The following VWA8 variants were observed in gnomAD, a reference collection of about 807,000 sequenced individuals.
VWA8 encodes the protein von Willebrand factor A domain containing 8.
A neutral mutation model predicts 241.5 loss-of-function variants in VWA8; 221 were observed. The observed-to-expected ratio is 0.91, with a 90% CI of 0.82 to 1.02. The LOEUF (loss-of-function observed/expected upper bound fraction) is 1.02, where lower values mean the gene tolerates loss of function less well. Ranked by LOEUF, VWA8 falls within the 50% of genes least tolerant of loss-of-function variation. The probability of loss-of-function intolerance (pLI) is 0.00; values close to 1 mark genes in which losing one functional copy is unlikely to be tolerated. For missense variants in VWA8, 2,322 were observed against 2,328.7 expected, an observed-to-expected ratio of 1.00 and a Z score of 0.06; for synonymous variants, 852 against 827.1, an observed-to-expected ratio of 1.03 and a Z score of -0.52.
intron 17 of VWA8, among the ~76,000 whole-genome samples, chr13:41,794,334 T>C (rs1234622002): frequency 3.3e-5 from 5 of 152,200 alleles, no homozygotes. Context: ...TAGTTCTCCT[T>C]GAAGAGGTCC....
At chr13:41,866,582 T>A (rs1472959165) in intron 10 of VWA8, among the ~76,000 whole-genome samples, 1 of 152,142 alleles carries the variant, frequency 6.6e-6, no homozygotes, top group Non-Finnish European at 1.5e-5. Context: ...TGATGATCAT[T>A]ATTACAAATC....
intron 5 of VWA8, 55 bp from the exon 6 acceptor site, chr13:41,887,416 T>C (rs1874601486): frequency 1.3e-6 from 2 of 1,547,004 alleles, no homozygotes; most frequent in Non-Finnish European, 1.7e-6. Flanking sequence ...ATCACAACTG[T>C]AAGAGCTGCC....
At chr13:41,820,243 T>C (rs1870893515) in intron 14 of VWA8, among the ~76,000 whole-genome samples, 2 of 152,102 alleles carry the variant, frequency 1.3e-5, no homozygotes, top group South Asian at 4.1e-4. Context: ...AAAGGAGAGA[T>C]AAAACATAAA....
At chr13:41,720,963 C>T (rs1300355872) in intron 25 of VWA8, among the ~76,000 whole-genome samples, 2 of 152,204 alleles carry the variant, frequency 1.3e-5, no homozygotes, top group Non-Finnish European at 2.9e-5. Flanking sequence ...TTAATCAGTA[C>T]GGTTAGTTCC....
intron 41 of VWA8, 141 bp downstream of exon 41, chr13:41,590,499 T>TTC (rs35516749): frequency 5.2e-4 from 95 of 182,382 alleles, no homozygotes; most frequent in South Asian, 3.1e-3. Context: ...CTTCTTCTTC[T>TTC]TTTTTTTTTT....
chr13:41,828,131 C>G (rs1871259631), intron 14 of VWA8, among the ~76,000 whole-genome samples: 1 of 152,076 alleles, frequency 6.6e-6, no homozygotes, highest in Non-Finnish European at 1.5e-5. Context: ...TAATGTATAC[C>G]TCGGAAGTAA....
At chr13:41,782,302 T>G (rs1174753968) in intron 19 of VWA8, among the ~76,000 whole-genome samples, 1 of 152,234 alleles carries the variant, frequency 6.6e-6, no homozygotes, top group Non-Finnish European at 1.5e-5. Flanking sequence ...TCCTGTGAAG[T>G]CTTTTCAATC....
At chr13:41,838,844 G>T (rs1263186243) in intron 12 of VWA8, among the ~76,000 whole-genome samples, 4 of 152,152 alleles carry the variant, frequency 2.6e-5, no homozygotes, top group African/African-American at 9.7e-5. Context: ...TCTTATGGCT[G>T]CAGAGTATTC....
chr13:41,951,044 G>A (rs535294604), intron 1 of VWA8, among the ~76,000 whole-genome samples: 1 of 152,158 alleles, frequency 6.6e-6, no homozygotes, highest in African/African-American at 2.4e-5. Context: ...ACTGCATACA[G>A]TTTCAAATTA....
intron 4 of VWA8, among the ~76,000 whole-genome samples, chr13:41,897,069 T>C (rs1391896395): frequency 6.6e-6 from 1 of 152,116 alleles, no homozygotes; most frequent in Non-Finnish European, 1.5e-5. Flanking sequence ...ATATTAAAAA[T>C]AATGATATAG....
At chr13:41,799,158 G>A (rs1444920640) in intron 17 of VWA8, among the ~76,000 whole-genome samples, 3 of 151,886 alleles carry the variant, frequency 2.0e-5, no homozygotes, top group African/African-American at 4.8e-5. Context: ...TCTAAATGTT[G>A]TATCTGCCAA....
chr13:41,680,753 C>T (rs1305415973), intron 35 of VWA8, among the ~76,000 whole-genome samples: 1 of 152,170 alleles, frequency 6.6e-6, no homozygotes, highest in Non-Finnish European at 1.5e-5. Flanking sequence ...AATATGTTCC[C>T]TACAGACTCA....
At chr13:41,634,195 C>T (rs1225870307) in intron 37 of VWA8, among the ~76,000 whole-genome samples, 6 of 152,158 alleles carry the variant, frequency 3.9e-5, no homozygotes, top group African/African-American at 1.4e-4. Flanking sequence ...GGGTCTTGGG[C>T]TGAGCTAGGG....
chr13:41,863,941 C>T (rs1412433459), intron 12 of VWA8, among the ~76,000 whole-genome samples: 1 of 151,664 alleles, frequency 6.6e-6, no homozygotes, highest in East Asian at 1.9e-4. Flanking sequence ...GCACATGTAC[C>T]CACAAATCTA....
chr13:41,887,479 C>G, intron 5 of VWA8, 118 bp from the exon 6 acceptor site: 1 of 1,133,926 alleles, frequency 8.8e-7, no homozygotes, highest in Non-Finnish European at 1.2e-6. Context: ...GGAGAACACT[C>G]TCAAATCCAT....
intron 37 of VWA8, among the ~76,000 whole-genome samples, chr13:41,620,876 C>T (rs576436545): frequency 1.1e-4 from 17 of 152,222 alleles, no homozygotes; most frequent in African/African-American, 2.9e-4. Flanking sequence ...GTAAGTTCTC[C>T]GGACCTTCAT....
intron 12 of VWA8, chr13:41,865,341 G>T: frequency 1.0e-5 from 4 of 386,036 alleles, no homozygotes; most frequent in Non-Finnish European, 1.5e-5. Context: ...TTAACTACTA[G>T]CTATTTTAAA....
At chr13:41,728,367 A>G (rs1417703284) in intron 23 of VWA8, among the ~76,000 whole-genome samples, 1 of 152,088 alleles carries the variant, frequency 6.6e-6, no homozygotes, top group Admixed American at 6.5e-5. Context: ...ATATAACCCT[A>G]CAAGTGATGG....
intron 26 of VWA8, 41 bp downstream of exon 26, chr13:41,719,550 A>C: frequency 6.2e-7 from 1 of 1,608,432 alleles, no homozygotes; most frequent in Non-Finnish European, 8.5e-7. Context: ...ATCAAGAACT[A>C]TCAGCATTTA....
Sources: allele counts gnomAD v4.1 joint callset (sites outside exome capture counted in the v4.1 genomes callset), GRCh38; gene constraint gnomAD v4.1.1; transcripts MANE v1.5; gene names NCBI Gene and HGNC (gene_info 2026-07-23, HGNC 2026-07-21).